The following WDHD1 variants were observed in gnomAD, a reference collection of about 807,000 sequenced individuals.
WDHD1 encodes WD repeat and HMG-box DNA binding protein 1, also known as WD repeat and HMG-box DNA-binding protein 1.
A neutral mutation model predicts 135.4 loss-of-function variants in WDHD1; 111 were observed. That is an observed-to-expected ratio of 0.82 (90% confidence interval 0.70 to 0.96). WDHD1 has a LOEUF of 0.96. WDHD1 is among the 40% of genes least tolerant of loss of function. WDHD1 has a pLI of 0.00. For missense variants in WDHD1, 1,351 were observed against 1,336.3 expected (o/e 1.01, Z -0.17); for synonymous variants, 434 against 439.0 (o/e 0.99, Z 0.14).
At chr14:54,992,925 TTAATTAATTAAAAACAACATA>T (rs1410623603) in intron 11 of WDHD1, among the ~76,000 whole-genome samples, 6 of 151,338 alleles carry the variant, frequency 4.0e-5, no homozygotes, top group African/African-American at 1.2e-4. Flanking sequence ...AAAACAAAAA[TTAATTAATTAAAAACAACATA>T]TAATTAATTA....
chr14:54,961,301 G>C (rs2041248108), intron 21 of WDHD1, among the ~76,000 whole-genome samples: 1 of 151,848 alleles, frequency 6.6e-6, no homozygotes, highest in Non-Finnish European at 1.5e-5. Context: ...CTGGACAACA[G>C]AGTGACACCC....
At chr14:54,973,649 T>C (rs1055871180) in intron 16 of WDHD1, among the ~76,000 whole-genome samples, 3 of 152,138 alleles carry the variant, frequency 2.0e-5, no homozygotes, top group Non-Finnish European at 4.4e-5. Context: ...TCATGCAAAA[T>C]GAAAAAGAGC....
At chr14:55,005,721 C>T (rs2042055781) in intron 7 of WDHD1, 1 of 447,520 alleles carries the variant, frequency 2.2e-6, no homozygotes, top group African/African-American at 2.0e-5. Context: ...CGATGGGAAT[C>T]CAGAACAACA....
intron 24 of WDHD1, among the ~76,000 whole-genome samples, chr14:54,954,938 A>G (rs1342543517): frequency 6.6e-6 from 1 of 152,164 alleles, no homozygotes; most frequent in East Asian, 1.9e-4. Flanking sequence ...CATGTTGGTC[A>G]GGCTGGTCTC....
intron 21 of WDHD1, among the ~76,000 whole-genome samples, chr14:54,960,941 C>T (rs1030510968): frequency 1.3e-5 from 2 of 152,062 alleles, no homozygotes; most frequent in African/African-American, 2.4e-5. Flanking sequence ...CTGGGACTAC[C>T]GGTGTGTACT....
chr14:55,015,621 T>A (rs1321989567), intron 2 of WDHD1, among the ~76,000 whole-genome samples: 1 of 152,046 alleles, frequency 6.6e-6, no homozygotes, highest in South Asian at 2.1e-4. Flanking sequence ...TGGATTCAGA[T>A]GTAAGACCCT....
In WDHD1 at chr14:54,984,858, T is replaced by G. The variant is rs563294325; in HGVS notation, c.1771A>C (p.Thr591Pro). 6.2e-7 allele frequency: 1 copy of G among 1,609,162 alleles called. No homozygotes were observed. Among genetic ancestry groups the G allele is most frequent in the African/African-American group, 1.3e-5 (1 of 74,612 alleles). ...EQLFIVYHRG[T>P]GFDGDQCLGV... ...AGGCACTGATCCCCATCAAATCCTG[T>G]ACCTAATGAGAAAATGTAAATATAA... Residue 591 changes from threonine to proline, a missense_variant and splice_region_variant, in exon 15 of 26, where the codon ACA becomes CCA. Coordinates refer to ENST00000360586, the MANE Select transcript of WDHD1 (RefSeq NM_007086.4).
intron 2 of WDHD1, 22 bp from the exon 3 acceptor site, chr14:55,013,618 T>TA: frequency 6.3e-7 from 1 of 1,588,636 alleles, no homozygotes. Context: ...AGACACAAAT[T>TA]AAAGTCATCG....
intron 24 of WDHD1, 143 bp downstream of exon 24, chr14:54,955,418 A>G: frequency 1.6e-6 from 1 of 633,252 alleles, no homozygotes; most frequent in East Asian, 3.5e-5. Context: ...TGGCTTCCTT[A>G]TAGTCACAAG....
At chr14:54,953,419 G>T (rs947324968) in intron 24 of WDHD1, among the ~76,000 whole-genome samples, 1 of 152,180 alleles carries the variant, frequency 6.6e-6, no homozygotes, top group Non-Finnish European at 1.5e-5. Flanking sequence ...AAACCACAGT[G>T]AGAAACCATC....
Position 54,975,963 on chromosome 14 carries a change from G to T in WDHD1, c.2063+5577C>A, listed in dbSNP as rs1483163564. 2.6e-5 allele frequency among the ~76,000 whole-genome samples: 4 copies of T among 152,130 alleles called. No individual in the cohort carries two copies. In the East Asian group the frequency reaches 7.7e-4, roughly 29 times the overall value. On this transcript the variant is annotated intron_variant, in intron 16 of 25. Coordinates refer to ENST00000360586, the MANE Select transcript of WDHD1 (RefSeq NM_007086.4). Reference sequence around the variant, plus strand: ...TAAAGTTAAAAGAATAAAGAAAGAGGTATCACTAAGTCACTTCATCTTCAC... The same window carrying T: ...TAAAGTTAAAAGAATAAAGAAAGAGTTATCACTAAGTCACTTCATCTTCAC...
intron 18 of WDHD1, among the ~76,000 whole-genome samples, chr14:54,966,264 G>A (rs975139592): frequency 6.6e-6 from 1 of 151,680 alleles, no homozygotes; most frequent in Non-Finnish European, 1.5e-5. Flanking sequence ...GAACCCGGGA[G>A]GCAGAGGTTG....
At position 54,939,457 on chromosome 14, in the gene WDHD1, A is replaced by G. The variant is rs1294170067; in HGVS notation, c.*2033T>C. ...TGAGGAGTTTTTGCTTTTGGAGAAT[A>G]AAATTAAGTATATGTCAATTTTCTA... On this transcript the variant is annotated 3_prime_UTR_variant, in exon 26 of 26. Transcript: ENST00000360586. The G allele has an allele frequency of 6.6e-6, 1 of 152,214 alleles. No individual in the cohort carries two copies. The highest frequency in any genetic ancestry group is 2.4e-5 in the African/African-American group (1 of 41,450). 9.4% of individuals were successfully genotyped at this position (152,214 alleles called of 1,614,324 possible).
chr14:54,994,586 C>T (rs1037740561), intron 11 of WDHD1, among the ~76,000 whole-genome samples: 1 of 151,772 alleles, frequency 6.6e-6, no homozygotes, highest in Non-Finnish European at 1.5e-5. Context: ...CATGGTGAAA[C>T]CCCATCTCTA....
intron 2 of WDHD1, among the ~76,000 whole-genome samples, chr14:55,022,039 T>C (rs939866253): frequency 3.2e-4 from 49 of 152,182 alleles, no homozygotes; most frequent in Admixed American, 3.1e-3. Context: ...CATCTAGAGG[T>C]TGAATTCGAG....
intron 9 of WDHD1, 101 bp from the exon 10 acceptor site, chr14:55,000,745 A>G: frequency 1.8e-6 from 2 of 1,094,486 alleles, no homozygotes; most frequent in Non-Finnish European, 2.4e-6. Context: ...ATGACTTTTG[A>G]CAATAATTTA....
At chr14:54,961,650 T>G (rs1384328756) in intron 21 of WDHD1, among the ~76,000 whole-genome samples, 1 of 152,208 alleles carries the variant, frequency 6.6e-6, no homozygotes, top group Non-Finnish European at 1.5e-5. Flanking sequence ...CTATGTGTCA[T>G]ACGCTCTTTT....
At chr14:55,015,670 G>A (rs113326119) in intron 2 of WDHD1, among the ~76,000 whole-genome samples, 2 of 151,930 alleles carry the variant, frequency 1.3e-5, no homozygotes, top group African/African-American at 4.8e-5. Context: ...GGTGATGAGA[G>A]AAGTATTTCA....
intron 7 of WDHD1, among the ~76,000 whole-genome samples, chr14:55,006,978 G>A (rs764020311): frequency 2.6e-5 from 4 of 152,074 alleles, no homozygotes; most frequent in Non-Finnish European, 4.4e-5. Flanking sequence ...TGTAATACTA[G>A]CATTTTGTGA....
Sources: allele counts gnomAD v4.1 joint callset (sites outside exome capture counted in the v4.1 genomes callset), GRCh38; gene constraint gnomAD v4.1.1; transcripts MANE v1.5; gene names NCBI Gene and HGNC (gene_info 2026-07-23, HGNC 2026-07-21).